The following HSPA12A variants were observed in gnomAD, a reference collection of about 807,000 sequenced individuals.
HSPA12A encodes the protein heat shock protein family A (Hsp70) member 12A.
A neutral mutation model predicts 69.2 loss-of-function variants in HSPA12A; 28 were observed. The observed-to-expected ratio is 0.40, with a 90% confidence interval of 0.30 to 0.55. The LOEUF (loss-of-function observed/expected upper bound fraction) is 0.55, where lower values mean the gene tolerates loss of function less well. Among genes scored for constraint, HSPA12A ranks in the 20% least tolerant of loss-of-function variants. The probability of loss-of-function intolerance (pLI) is 0.38; values close to 1 mark genes in which losing one functional copy is unlikely to be tolerated. For missense variants in HSPA12A, 686 were observed against 900.7 expected (o/e 0.76, Z 3.05); for synonymous variants, 345 against 370.5 (o/e 0.93, Z 0.79).
chr10:116,721,410 C>G (rs1446928431), intron 1 of HSPA12A, among the ~76,000 whole-genome samples: 1 of 152,192 alleles, frequency 6.6e-6, no homozygotes, highest in East Asian at 1.9e-4. Flanking sequence ...AGCGTCCCAC[C>G]TGAGGCCAAG....
At chr10:116,835,654 T>A (rs1288902854) in intron 1 of HSPA12A, among the ~76,000 whole-genome samples, 2 of 152,230 alleles carry the variant, frequency 1.3e-5, no homozygotes, top group Non-Finnish European at 2.9e-5. Context: ...GAAAAGCATA[T>A]CTTGTTCACC....
chr10:116,798,792 A>G (rs964600556), intron 2 of HSPA12A, among the ~76,000 whole-genome samples: 1 of 152,080 alleles, frequency 6.6e-6, no homozygotes, highest in African/African-American at 2.4e-5. Context: ...TCCACTCCCA[A>G]ATTGGCCCAC....
At chr10:116,762,301 T>G (rs1843989703) in intron 2 of HSPA12A, among the ~76,000 whole-genome samples, 1 of 152,248 alleles carries the variant, frequency 6.6e-6, no homozygotes, top group Non-Finnish European at 1.5e-5. Flanking sequence ...TCCCTGCCTC[T>G]GGTCCCAATC....
At chr10:116,834,723 G>A (rs1845679463) in intron 2 of HSPA12A, among the ~76,000 whole-genome samples, 2 of 152,162 alleles carry the variant, frequency 1.3e-5, no homozygotes, top group Admixed American at 1.3e-4. Context: ...CCTGACTCAA[G>A]GGTGCCTCTG....
At chr10:116,774,372 C>T (rs186976402) in intron 2 of HSPA12A, among the ~76,000 whole-genome samples, 10 of 152,274 alleles carry the variant, frequency 6.6e-5, no homozygotes, top group Admixed American at 6.5e-4. Flanking sequence ...TGATACTGCA[C>T]CAATGCCTAG....
chr10:116,671,529 C>T lies in HSPA12A; in HGVS notation c.*3252G>A, dbSNP rs1424046621. On this transcript the variant is annotated 3_prime_UTR_variant, in exon 12 of 12. Transcript: ENST00000369209. ...CCTGTTTACATTGGTGCATGCGATT[C>T]TTTGCTACCCTGGCAATTAACCAGA... is the stretch of plus-strand genomic sequence containing the variant. The T allele has an allele frequency of 6.6e-6, 1 of 152,560 alleles. No individual in the cohort carries two copies. The highest frequency in any genetic ancestry group is 6.5e-5 in the Admixed American group (1 of 15,282). The allele number at this position is 152,560 out of a possible 1,614,324, so 9.5% of individuals were successfully genotyped here. A position where few individuals can be genotyped will look rare whatever the true frequency, so the allele number is the denominator to read the frequency against.
chr10:116,775,901 G>A (rs1179339066), intron 2 of HSPA12A, among the ~76,000 whole-genome samples: 1 of 152,148 alleles, frequency 6.6e-6, no homozygotes, highest in Non-Finnish European at 1.5e-5. Flanking sequence ...GCCTGGCACA[G>A]ACTCTCTTAT....
At chr10:116,701,751 GTA>G (rs1850083408) in intron 3 of HSPA12A, among the ~76,000 whole-genome samples, 1 of 152,198 alleles carries the variant, frequency 6.6e-6, no homozygotes, top group Non-Finnish European at 1.5e-5. Flanking sequence ...GTTGGAGAGA[GTA>G]TGTGAGTGGG....
At position 116,679,513 on chromosome 10, in the gene HSPA12A, G is replaced by T. The variant is rs782128836; in HGVS notation, c.1276C>A (p.Arg426=). 1.2e-6 allele frequency: 2 copies of T among 1,613,446 alleles called. No homozygotes were observed. The highest frequency in any genetic ancestry group is 3.3e-5 in the Admixed American group (2 of 60,012). Residue 426 remains arginine, a synonymous_variant, in exon 10 of 12, where the codon CGG becomes AGG. Coordinates refer to ENST00000369209, the MANE Select transcript of HSPA12A (RefSeq NM_025015.3). ...FRGHSVEHAL[R]KSNVDFVKWS... is the part of the protein sequence containing the mutation. The stretch of plus-strand genomic sequence containing the variant: ...ATGAGCCCAACTCACTTGCTTTTCC[G>T]CAAGGCGTGCTCCACACTGTGCCCG...
intron 2 of HSPA12A, among the ~76,000 whole-genome samples, chr10:116,824,299 G>A (rs1845459992): frequency 6.6e-6 from 1 of 152,212 alleles, no homozygotes. Flanking sequence ...CTCATACACT[G>A]TTGGTAGGAA....
At chr10:116,677,259 T>A (rs1194203298) in intron 10 of HSPA12A, among the ~76,000 whole-genome samples, 2 of 152,156 alleles carry the variant, frequency 1.3e-5, no homozygotes, top group East Asian at 3.9e-4. Context: ...GACTGTGTAT[T>A]CCCCAAACCC....
At chr10:116,707,084 G>C (rs1383718327) in intron 2 of HSPA12A, 116 bp downstream of exon 2, 3 of 828,284 alleles carry the variant, frequency 3.6e-6, no homozygotes, top group African/African-American at 3.5e-5. Flanking sequence ...CCAGCAGCCT[G>C]AACTGTGAGA....
chr10:116,686,094 A>G lies in HSPA12A; in HGVS notation c.664-2132T>C, dbSNP rs964028372. Among the ~76,000 whole-genome samples the G allele has an allele frequency of 4.6e-5, 7 of 152,018 alleles. 1 individual carries two copies. Among genetic ancestry groups the G allele is most frequent in the Admixed American group, 3.9e-4 (6 of 15,254 alleles). On this transcript the variant is annotated intron_variant, in intron 6 of 11. Coordinates refer to ENST00000369209, the MANE Select transcript of HSPA12A (RefSeq NM_025015.3). This position sits in a 1 kb window ranked among gnomAD's most constrained non-coding sequence, Gnocchi z 4.1. Reference sequence around the variant, plus strand: ...ATGACAGGATTTCCCACTGCCCCCTATTCAAGCAAGTAAAAGTCCCCCCTC... The same window carrying G: ...ATGACAGGATTTCCCACTGCCCCCTGTTCAAGCAAGTAAAAGTCCCCCCTC...
At chr10:116,814,834 G>C (rs1845266535) in intron 2 of HSPA12A, among the ~76,000 whole-genome samples, 1 of 152,190 alleles carries the variant, frequency 6.6e-6, no homozygotes, top group African/African-American at 2.4e-5. Flanking sequence ...TTCTGTATGA[G>C]AGGGTGATTG....
intron 5 of HSPA12A, among the ~76,000 whole-genome samples, chr10:116,695,448 C>T (rs1849858986): frequency 6.6e-6 from 1 of 151,984 alleles, no homozygotes; most frequent in Admixed American, 6.6e-5. Flanking sequence ...CTTTGAGTGG[C>T]CAAGGTGGGC....
At chr10:116,803,237 GA>G (rs1250235685) in intron 2 of HSPA12A, among the ~76,000 whole-genome samples, 2 of 152,240 alleles carry the variant, frequency 1.3e-5, no homozygotes, top group African/African-American at 2.4e-5. Context: ...TGTGCGGAGA[GA>G]ATTCGGGAAG....
chr10:116,813,700 A>G (rs1845242512), intron 2 of HSPA12A, among the ~76,000 whole-genome samples: 2 of 151,652 alleles, frequency 1.3e-5, no homozygotes, highest in African/African-American at 4.8e-5. Context: ...GCAACATAGC[A>G]AGACCCTCCC....
intron 2 of HSPA12A, among the ~76,000 whole-genome samples, chr10:116,763,471 C>G (rs555587305): frequency 6.6e-6 from 1 of 152,246 alleles, no homozygotes; most frequent in Non-Finnish European, 1.5e-5. Context: ...CTGCAGACCT[C>G]TTTCTTCTGC....
chr10:116,815,979 T>G (rs1358575494), intron 2 of HSPA12A, among the ~76,000 whole-genome samples: 1 of 152,210 alleles, frequency 6.6e-6, no homozygotes, highest in African/African-American at 2.4e-5. Flanking sequence ...GAGCACTGAC[T>G]GGGCCAGACT....
Sources: gnomAD v4.1 joint callset for allele counts (sites outside exome capture counted in the v4.1 genomes callset) on GRCh38, gnomAD v4.1.1 for gene constraint, Gnocchi (gnomAD v3.1) non-coding constraint, MANE v1.5 for transcripts, NCBI Gene and HGNC (gene_info 2026-07-23, HGNC 2026-07-21) for gene names.